The following TMTC2 variants were observed in gnomAD, a reference collection of about 807,000 sequenced individuals.
TMTC2 encodes protein O-mannosyl-transferase TMTC2.
In TMTC2, 43 loss-of-function variants were observed where a neutral mutation model predicts 82.4. That is an observed-to-expected ratio of 0.52 (90% CI 0.41 to 0.67). TMTC2 has a LOEUF of 0.67. TMTC2 is among the 30% of genes least tolerant of loss of function. TMTC2 has a pLI of 0.00. For synonymous variants in TMTC2, 408 were observed against 381.9 expected (o/e 1.07, Z -0.80); for missense variants, 919 against 1,012.4 (o/e 0.91, Z 1.25).
chr12:82,896,584 A>G lies in TMTC2; in HGVS notation c.1421A>G (p.Asn474Ser). 2.5e-6 allele frequency: 4 copies of G among 1,614,102 alleles called. No homozygotes were observed. Among genetic ancestry groups the G allele is most frequent in the South Asian group, 2.2e-5 (2 of 91,072 alleles). ...VFYGLKTAIR[N>S]GDWQNEEMLY... ...TATGGACTCAAGACTGCGATCAGGA[A>G]TGGAGACTGGCAGAATGAGGAAATG... The change falls in exon 3 of 12, where the codon AAT becomes AGT. Residue 474 changes from asparagine (N) to serine (S), a missense_variant. Transcript: ENST00000321196.
rs1324242423 is a variant in TMTC2, at chr12:82,695,749, G to C, written c.83+8080G>C. ...TCTGCGGGGGGTGCTTTAGGTGGTG[G>C]CTATAGAGATTACATTCATAGGCTT... On this transcript the variant is annotated intron_variant, in intron 1 of 11. Coordinates refer to ENST00000321196, the MANE Select transcript of TMTC2 (RefSeq NM_152588.3). 2.6e-5 allele frequency among the ~76,000 whole-genome samples: 4 copies of C among 152,164 alleles called. No individual in the cohort carries two copies. The East Asian group carries it at 7.7e-4, about 29-fold the overall frequency.
chr12:83,017,811 C>T (rs1342421094), intron 8 of TMTC2, among the ~76,000 whole-genome samples: 1 of 55,090 alleles, frequency 1.8e-5, no homozygotes, highest in Non-Finnish European at 3.9e-5. Context: ...GGATTTATAA[C>T]TGAAAAAAAA....
intron 7 of TMTC2, among the ~76,000 whole-genome samples, chr12:82,974,116 C>T (rs11115503): frequency 1.3e-5 from 2 of 152,098 alleles, no homozygotes; most frequent in Admixed American, 6.6e-5. Flanking sequence ...TGCCTGTAAT[C>T]CCAGCACCAT....
chr12:82,886,375 C>G (rs924914876), intron 2 of TMTC2, among the ~76,000 whole-genome samples: 3 of 152,156 alleles, frequency 2.0e-5, no homozygotes, highest in Non-Finnish European at 2.9e-5. Flanking sequence ...AGGAAAATAT[C>G]TTTCAAGTAT....
chr12:82,986,141 A>G, intron 8 of TMTC2, 95 bp downstream of exon 8: 1 of 1,541,744 alleles, frequency 6.5e-7, no homozygotes, highest in Non-Finnish European at 8.9e-7. Context: ...CCAGTTATCT[A>G]AGCTATTAGG....
chr12:82,924,335 A>G (rs530292962), intron 3 of TMTC2, among the ~76,000 whole-genome samples: 28 of 152,368 alleles, frequency 1.8e-4, no homozygotes, highest in African/African-American at 6.5e-4. Context: ...TGGATAAAAA[A>G]TCATTCATAT....
chr12:83,086,627 T>C (rs190475446), intron 11 of TMTC2, among the ~76,000 whole-genome samples: 1 of 152,134 alleles, frequency 6.6e-6, no homozygotes, highest in Admixed American at 6.5e-5. Context: ...AGAGCAAATA[T>C]CACAACAGAG....
chr12:82,705,212 G>A (rs1873292843), intron 1 of TMTC2, among the ~76,000 whole-genome samples: 2 of 152,232 alleles, frequency 1.3e-5, no homozygotes, highest in South Asian at 2.1e-4. Flanking sequence ...GAGGGTGAGG[G>A]ATAAAAGATG....
At chr12:82,876,411 A>G (rs945902867) in intron 2 of TMTC2, among the ~76,000 whole-genome samples, 4 of 152,140 alleles carry the variant, frequency 2.6e-5, no homozygotes, top group Admixed American at 2.6e-4. Flanking sequence ...AGAAAGTTTA[A>G]TGATGTTAAT....
chr12:83,077,330 A>G (rs1883312604), intron 11 of TMTC2, among the ~76,000 whole-genome samples: 1 of 152,068 alleles, frequency 6.6e-6, no homozygotes, highest in Non-Finnish European at 1.5e-5. Context: ...ACCAAGAGGA[A>G]CCCGAACAAA....
intron 1 of TMTC2, among the ~76,000 whole-genome samples, chr12:82,783,189 A>G (rs1391630425): frequency 6.6e-6 from 1 of 152,110 alleles, no homozygotes; most frequent in Non-Finnish European, 1.5e-5. Context: ...AGAAGTCCTT[A>G]GAACAATTCA....
chr12:82,981,399 T>G (rs1350120281), intron 7 of TMTC2, among the ~76,000 whole-genome samples: 1 of 151,826 alleles, frequency 6.6e-6, no homozygotes, highest in Non-Finnish European at 1.5e-5. Context: ...TGGGGCTTTT[T>G]AGGGAGAGAG....
chr12:83,050,178 C>T (rs1018667753), intron 9 of TMTC2, among the ~76,000 whole-genome samples: 4 of 152,066 alleles, frequency 2.6e-5, no homozygotes, highest in Non-Finnish European at 5.9e-5. Context: ...TTTGAATATC[C>T]GTATCAGATA....
intron 4 of TMTC2, among the ~76,000 whole-genome samples, chr12:82,934,388 C>A (rs1470541833): frequency 6.6e-6 from 1 of 151,806 alleles, no homozygotes; most frequent in East Asian, 1.9e-4. Context: ...TAGCCCCCCA[C>A]CCCTTGACAG....
chr12:82,717,934 A>G (rs909403340), intron 1 of TMTC2, among the ~76,000 whole-genome samples: 7 of 152,220 alleles, frequency 4.6e-5, no homozygotes, highest in Non-Finnish European at 1.0e-4. Context: ...TAAAACAATT[A>G]AAAAGGAGTT....
chr12:82,876,051 GTGGTGGTGGTGGTGGTGA>G (rs1168313921), intron 2 of TMTC2, among the ~76,000 whole-genome samples: 22 of 135,786 alleles, frequency 1.6e-4, no homozygotes, highest in African/African-American at 3.2e-4. Context: ...GGTGGTGGTG[GTGGTGGTGGTGGTGGTGA>G]TGATGATGAT....
At position 82,748,499 on chromosome 12, in the gene TMTC2, G is replaced by A. The variant is rs1345148573; in HGVS notation, c.83+60830G>A. On this transcript the variant is annotated intron_variant, in intron 1 of 11. Coordinates refer to ENST00000321196, the MANE Select transcript of TMTC2 (RefSeq NM_152588.3). ...TCTCTTCAGACTCCAGTTTCTTCAC[G>A]TGTAACATGGAGACTAATAGTATTA... Among the ~76,000 whole-genome samples the A allele has an allele frequency of 5.3e-5, 8 of 152,148 alleles. No homozygotes were observed. In the East Asian group the frequency reaches 7.7e-4, roughly 15 times the overall value.
intron 8 of TMTC2, among the ~76,000 whole-genome samples, chr12:83,000,098 G>A (rs1034515349): frequency 6.6e-6 from 1 of 151,768 alleles, no homozygotes; most frequent in Non-Finnish European, 1.5e-5. Flanking sequence ...AAAACAAAGT[G>A]GCTACAGGCA....
intron 8 of TMTC2, among the ~76,000 whole-genome samples, chr12:82,996,872 G>C (rs1243590131): frequency 6.6e-6 from 1 of 152,044 alleles, no homozygotes; most frequent in Non-Finnish European, 1.5e-5. Context: ...CTTTCTGTCT[G>C]CTTGAATCAG....
Sources: allele counts gnomAD v4.1 joint callset (sites outside exome capture counted in the v4.1 genomes callset), GRCh38; gene constraint gnomAD v4.1.1; transcripts MANE v1.5; gene names NCBI Gene and HGNC (gene_info 2026-07-23, HGNC 2026-07-21).